Variants in KREMEN1 observed in about 807,000 individuals in gnomAD.
KREMEN1 encodes kremen protein 1.
KREMEN1 carries 30 observed loss-of-function variants against 46.5 expected under a neutral mutation model. That is an observed-to-expected ratio of 0.65 (90% CI 0.48 to 0.88). The LOEUF (loss-of-function observed/expected upper bound fraction) is 0.88, where lower values mean the gene tolerates loss of function less well. Ranked by LOEUF, KREMEN1 falls within the 40% of genes least tolerant of loss-of-function variation. The pLI, the probability that KREMEN1 is intolerant of heterozygous loss-of-function variation, is 0.00. For synonymous variants in KREMEN1, 214 were observed against 230.6 expected, an observed-to-expected ratio of 0.93 and a Z score of 0.65; for missense variants, 533 against 596.9, an observed-to-expected ratio of 0.89 and a Z score of 1.11.
chr22:29,133,108 C>T (rs570279637), intron 5 of KREMEN1, among the ~76,000 whole-genome samples: 3 of 151,850 alleles, frequency 2.0e-5, no homozygotes, highest in African/African-American at 7.3e-5. Flanking sequence ...ATTAGCCAGG[C>T]GAGGTGGCGC....
chr22:29,085,193 T>G (rs966675378), intron 1 of KREMEN1, among the ~76,000 whole-genome samples: 4 of 152,246 alleles, frequency 2.6e-5, no homozygotes, highest in Admixed American at 2.6e-4. Flanking sequence ...GTAACTATTT[T>G]CAAGATGTTC....
chr22:29,122,955 A>G (rs1053649175), intron 4 of KREMEN1, among the ~76,000 whole-genome samples: 3 of 151,008 alleles, frequency 2.0e-5, no homozygotes, highest in Admixed American at 1.3e-4. Flanking sequence ...AAAAAAAAAA[A>G]AAAAAAAAAA....
chr22:29,165,339 G>C (rs2039043837), intron 9 of KREMEN1, among the ~76,000 whole-genome samples: 1 of 150,576 alleles, frequency 6.6e-6, no homozygotes, highest in Non-Finnish European at 1.5e-5. Context: ...GAGTTCAAAG[G>C]TACAGTGAGC....
At chr22:29,088,327 A>ACACACGCACG (rs35603207) in intron 1 of KREMEN1, among the ~76,000 whole-genome samples, 1 of 150,408 alleles carries the variant, frequency 6.6e-6, no homozygotes, top group Non-Finnish European at 1.5e-5. Context: ...ACACACACAC[A>ACACACGCACG]CACGCACACA....
At position 29,144,450 on chromosome 22, in the gene KREMEN1, C is replaced by T; in HGVS notation, c.*2338C>T. 9.1e-6 allele frequency: 9 copies of T among 985,590 alleles called. No homozygotes were observed. Among genetic ancestry groups the T allele is most frequent in the Non-Finnish European group, 1.1e-5 (9 of 830,024 alleles). 61.1% of individuals were successfully genotyped at this position (985,590 alleles called of 1,614,324 possible). ...CCCCGTGGGAGGCCTGCTGAGGGCA[C>T]AGAGCTGCTCGGTGCAGCCTTCATG... On this transcript the variant is annotated 3_prime_UTR_variant, in exon 9 of 9. Coordinates refer to ENST00000400335, the MANE Select transcript of KREMEN1 (RefSeq NM_001039570.3).
At chr22:29,130,729 T>G (rs1162356079) in intron 5 of KREMEN1, among the ~76,000 whole-genome samples, 3 of 152,144 alleles carry the variant, frequency 2.0e-5, no homozygotes, top group Non-Finnish European at 2.9e-5. Flanking sequence ...TCAGCTAGTA[T>G]CGAGAAGGAG....
intron 5 of KREMEN1, among the ~76,000 whole-genome samples, chr22:29,126,065 T>C (rs1158786089): frequency 6.6e-6 from 1 of 151,070 alleles, no homozygotes; most frequent in Non-Finnish European, 1.5e-5. Context: ...TGAAACTTTA[T>C]GATAATTACA....
chr22:29,161,089 C>CACCT (rs1485906823), intron 9 of KREMEN1, among the ~76,000 whole-genome samples: 1 of 152,174 alleles, frequency 6.6e-6, no homozygotes, highest in Non-Finnish European at 1.5e-5. Flanking sequence ...CTATTATGAA[C>CACCT]ACCTCTGCAC....
chr22:29,093,629 G>A (rs75791229), intron 1 of KREMEN1, among the ~76,000 whole-genome samples: 1 of 152,042 alleles, frequency 6.6e-6, no homozygotes, highest in Non-Finnish European at 1.5e-5. Context: ...ATGCCAGCCC[G>A]GCCCTTCCTC....
chr22:29,113,936 T>C (rs2038191727), intron 3 of KREMEN1, among the ~76,000 whole-genome samples: 1 of 152,220 alleles, frequency 6.6e-6, no homozygotes, highest in Non-Finnish European at 1.5e-5. Context: ...AAGCAAAGAC[T>C]GCAGGCATTG....
rs1420931201 is a variant in KREMEN1, at chr22:29,145,012, C to T, written c.*2900C>T. 5 of 985,424 alleles carry T rather than the reference C, an allele frequency of 5.1e-6. No individual in the cohort carries two copies. Among genetic ancestry groups the T allele is most frequent in the African/African-American group, 3.5e-5 (2 of 57,240 alleles). The allele number at this position is 985,424 out of a possible 1,614,324, so 61.0% of individuals were successfully genotyped here. ...GAAACCCAAATCTGGCTCAGGACAGCGTACGGGCAGGAGGGCTGTAAATCA... is the reference window on the plus strand; with the variant it reads ...GAAACCCAAATCTGGCTCAGGACAGTGTACGGGCAGGAGGGCTGTAAATCA... On this transcript the variant is annotated 3_prime_UTR_variant, in exon 9 of 9. Coordinates refer to ENST00000400335, the MANE Select transcript of KREMEN1 (RefSeq NM_001039570.3).
rs527315297 is a variant in KREMEN1 at position 29,146,191 on chromosome 22, T to A, written c.*4079T>A. On this transcript the variant is annotated 3_prime_UTR_variant, in exon 9 of 9. Coordinates refer to ENST00000400335, the MANE Select transcript of KREMEN1 (RefSeq NM_001039570.3). ...GGCTTTTGTTCCTACCTTGGGAGTTTGGATTGTTTCCTCTGGTGTCTTTGT... is the reference window on the plus strand; with the variant it reads ...GGCTTTTGTTCCTACCTTGGGAGTTAGGATTGTTTCCTCTGGTGTCTTTGT... The A allele has an allele frequency of 1.0e-6, 1 of 963,122 alleles. No individual in the cohort carries two copies. Among genetic ancestry groups the A allele is most frequent in the Non-Finnish European group, 1.2e-6 (1 of 825,928 alleles). 59.7% of individuals were successfully genotyped at this position (963,122 alleles called of 1,614,324 possible).
At chr22:29,124,526 T>C (rs1174354530) in intron 4 of KREMEN1, among the ~76,000 whole-genome samples, 1 of 151,736 alleles carries the variant, frequency 6.6e-6, no homozygotes, top group East Asian at 1.9e-4. Flanking sequence ...AGAGTCTCAC[T>C]GTGTTGCCCA....
At chr22:29,167,743 G>A (rs1383647207) in exon 10 of KREMEN1, 9 of 152,226 alleles carry the variant, frequency 5.9e-5, no homozygotes, top group Admixed American at 5.9e-4. Flanking sequence ...GAACCAAGTG[G>A]CACGTTGGTT....
intron 9 of KREMEN1, among the ~76,000 whole-genome samples, chr22:29,156,491 GTGAT>G (rs1206120633): frequency 1.3e-5 from 2 of 152,256 alleles, no homozygotes; most frequent in African/African-American, 2.4e-5. Context: ...GGTTGTGGGA[GTGAT>G]TGATTGGGCC....
chr22:29,140,448 A>T, intron 8 of KREMEN1, 82 bp downstream of exon 8: 1 of 1,039,652 alleles, frequency 9.6e-7, no homozygotes, highest in East Asian at 2.4e-5. Context: ...TTGTCTGGTT[A>T]CAACTGTAGA....
chr22:29,073,744 G>T lies in KREMEN1; in HGVS notation c.97+517G>T, dbSNP rs2015242482. 6.7e-6 allele frequency among the ~76,000 whole-genome samples: 1 copy of T among 149,744 alleles called. No homozygotes were observed. Among genetic ancestry groups the T allele is most frequent in the South Asian group, 2.1e-4 (1 of 4,718 alleles). The stretch of plus-strand genomic sequence containing the variant: ...CAAAATCCCCAGCGACTCCCCACGG[G>T]CCAGGAGGCCCCCTGCTCCCCGGTA... On this transcript the variant is annotated intron_variant, in intron 1 of 8. Transcript: ENST00000400335. This position sits in a 1 kb window ranked among gnomAD's most constrained non-coding sequence, Gnocchi z 4.4.
chr22:29,117,539 C>G (rs4330194), intron 3 of KREMEN1, among the ~76,000 whole-genome samples: 54,797 of 151,114 alleles, frequency 0.36, 11,403 homozygotes, highest in East Asian at 0.64. Context: ...TGCACTCCAG[C>G]CTGGGCAACA....
At position 29,144,443 on chromosome 22, in the gene KREMEN1, G is replaced by A; in HGVS notation, c.*2331G>A. 1.0e-6 allele frequency: 1 copy of A among 985,636 alleles called. No homozygotes were observed. The highest frequency in any genetic ancestry group is 1.2e-6 in the Non-Finnish European group (1 of 830,046). 61.1% of individuals were successfully genotyped at this position (985,636 alleles called of 1,614,324 possible). A position where few individuals can be genotyped will look rare whatever the true frequency, so the allele number is the denominator to read the frequency against. The stretch of plus-strand genomic sequence containing the variant: ...CCCCAGGCCCCGTGGGAGGCCTGCT[G>A]AGGGCACAGAGCTGCTCGGTGCAGC... On this transcript the variant is annotated 3_prime_UTR_variant, in exon 9 of 9. Coordinates refer to ENST00000400335, the MANE Select transcript of KREMEN1 (RefSeq NM_001039570.3).
Sources: gnomAD v4.1 joint callset for allele counts (sites outside exome capture counted in the v4.1 genomes callset) on GRCh38, gnomAD v4.1.1 for gene constraint, Gnocchi (gnomAD v3.1) non-coding constraint, MANE v1.5 for transcripts, NCBI Gene and HGNC (gene_info 2026-07-23, HGNC 2026-07-21) for gene names.